The following SEMA5A variants were observed in gnomAD, a reference collection of about 807,000 sequenced individuals.
The protein encoded by SEMA5A is semaphorin-5A.
SEMA5A carries 55 observed loss-of-function variants against 135.5 expected under a neutral mutation model. The ratio of observed to expected loss-of-function variants is 0.41; its 90% CI spans 0.33 to 0.51. The LOEUF (loss-of-function observed/expected upper bound fraction) is 0.51. Among genes scored for constraint, SEMA5A ranks in the 20% least tolerant of loss-of-function variants. SEMA5A has a pLI of 0.37. For missense variants in SEMA5A, 1,290 were observed against 1,419.9 expected, an observed-to-expected ratio of 0.91 and a Z score of 1.47; for synonymous variants, 580 against 546.5, an observed-to-expected ratio of 1.06 and a Z score of -0.85.
At chr5:9,243,243 TG>T (rs1240505723) in intron 5 of SEMA5A, among the ~76,000 whole-genome samples, 2 of 152,168 alleles carry the variant, frequency 1.3e-5, no homozygotes, top group African/African-American at 4.8e-5. Context: ...TCCCAGCCCC[TG>T]GGGTCTGCCG....
In SEMA5A at chr5:9,181,725, T is replaced by C. The variant is rs751996089; in HGVS notation, c.1273+8542A>G. On this transcript the variant is annotated intron_variant, in intron 11 of 22. Transcript: ENST00000382496. ...CGGAAGGGATGCGACAGTGAGTATG[T>C]GGAGATGGAGAGGGGGGACTAGAAA... Among the ~76,000 whole-genome samples the C allele has an allele frequency of 2.6e-5, 4 of 152,250 alleles. No homozygotes were observed. The East Asian group carries it at 7.7e-4, about 29-fold the overall frequency.
At chr5:9,282,969 G>T (rs554559889) in intron 5 of SEMA5A, among the ~76,000 whole-genome samples, 1 of 152,158 alleles carries the variant, frequency 6.6e-6, no homozygotes, top group Admixed American at 6.5e-5. Context: ...CTCCATAGAA[G>T]AGCCTCCAAG....
At chr5:9,132,399 A>C (rs1741484156) in intron 13 of SEMA5A, among the ~76,000 whole-genome samples, 1 of 152,156 alleles carries the variant, frequency 6.6e-6, no homozygotes, top group African/African-American at 2.4e-5. Flanking sequence ...TCAGGAATGG[A>C]TTTGGTACCC....
chr5:9,171,469 A>G (rs994432908), intron 11 of SEMA5A, among the ~76,000 whole-genome samples: 2 of 152,194 alleles, frequency 1.3e-5, no homozygotes, highest in Non-Finnish European at 2.9e-5. Context: ...ATTGGGACTC[A>G]TGGTCGAGAC....
chr5:9,177,412 T>C (rs923925459), intron 11 of SEMA5A, among the ~76,000 whole-genome samples: 14 of 152,226 alleles, frequency 9.2e-5, no homozygotes, highest in African/African-American at 3.4e-4. Flanking sequence ...GTTGACTCTA[T>C]CCCAATATGC....
chr5:9,522,008 G>A (rs990977617), intron 1 of SEMA5A, among the ~76,000 whole-genome samples: 21 of 152,206 alleles, frequency 1.4e-4, no homozygotes, highest in East Asian at 1.2e-3. Context: ...GTCCAAGACC[G>A]TCCTGGGTTC....
intron 1 of SEMA5A, among the ~76,000 whole-genome samples, chr5:9,516,155 G>A (rs533044057): frequency 6.6e-6 from 1 of 152,224 alleles, no homozygotes; most frequent in South Asian, 2.1e-4. Context: ...TGCCTTTACA[G>A]AGGTGTGCAG....
chr5:9,135,312 C>G (rs1323453748), intron 13 of SEMA5A, among the ~76,000 whole-genome samples: 1 of 151,518 alleles, frequency 6.6e-6, no homozygotes, highest in South Asian at 2.1e-4. Flanking sequence ...TCCCAAGTAG[C>G]TGGGACTACA....
chr5:9,475,798 T>A (rs1259546887), intron 1 of SEMA5A, among the ~76,000 whole-genome samples: 2 of 152,226 alleles, frequency 1.3e-5, no homozygotes, highest in Non-Finnish European at 2.9e-5. Flanking sequence ...AATTAATAAG[T>A]GCTCCATTAA....
At chr5:9,384,571 CATAGATAG>C (rs1170217920) in intron 2 of SEMA5A, among the ~76,000 whole-genome samples, 12,584 of 80,286 alleles carry the variant, frequency 0.16, 1,217 homozygotes, top group Non-Finnish European at 0.18. Context: ...TAGATAGATA[CATAGATAG>C]ATAGATAGAT....
intron 13 of SEMA5A, 87 bp from the exon 14 acceptor site, chr5:9,122,924 A>G: frequency 1.7e-6 from 2 of 1,185,540 alleles, no homozygotes; most frequent in Non-Finnish European, 2.3e-6. Flanking sequence ...TCATAAGACA[A>G]TCAAAACTCC....
rs550511384 is a variant in SEMA5A at position 9,297,890 on chromosome 5, T to C, written c.270+20482A>G. ...TGAACCACCATGCCTGGCCAATTTC[T>C]GTTGTTTACAAGTTACCCAGCCTAG... On this transcript the variant is annotated intron_variant, in intron 5 of 22. Transcript: ENST00000382496. 3.9e-5 allele frequency among the ~76,000 whole-genome samples: 6 copies of C among 152,290 alleles called. No individual in the cohort carries two copies. In the South Asian group the frequency reaches 1.2e-3, roughly 32 times the overall value.
intron 1 of SEMA5A, among the ~76,000 whole-genome samples, chr5:9,456,747 A>G (rs544396327): frequency 3.3e-5 from 5 of 152,254 alleles, no homozygotes; most frequent in East Asian, 1.9e-4. Context: ...GGGGGGAAAA[A>G]CAGCACTGAG....
At chr5:9,075,675 G>A (rs895417138) in intron 16 of SEMA5A, among the ~76,000 whole-genome samples, 3 of 152,058 alleles carry the variant, frequency 2.0e-5, no homozygotes, top group Non-Finnish European at 4.4e-5. Context: ...GTACTGGGAC[G>A]GGTATCAGGG....
chr5:9,350,182 C>A (rs987985783), intron 3 of SEMA5A, among the ~76,000 whole-genome samples: 1 of 152,140 alleles, frequency 6.6e-6, no homozygotes, highest in Non-Finnish European at 1.5e-5. Context: ...TAGAGGTCAG[C>A]GCAACCTAAT....
chr5:9,082,149 A>T (rs1029716086), intron 16 of SEMA5A, among the ~76,000 whole-genome samples: 5 of 152,234 alleles, frequency 3.3e-5, no homozygotes, highest in African/African-American at 4.8e-5. Context: ...GTTGTATGAC[A>T]GATTCTACAA....
intron 1 of SEMA5A, among the ~76,000 whole-genome samples, chr5:9,464,675 C>T (rs1311201457): frequency 1.3e-5 from 2 of 150,804 alleles, no homozygotes; most frequent in South Asian, 2.1e-4. Context: ...TGCCATCTGC[C>T]GGCAGCAGCC....
At chr5:9,052,168 A>G (rs960577985) in intron 19 of SEMA5A, 140 bp from the exon 20 acceptor site, 2 of 920,406 alleles carry the variant, frequency 2.2e-6, no homozygotes, top group South Asian at 1.9e-5. Context: ...CATCAGTAAG[A>G]TGTAGTTGTA....
intron 1 of SEMA5A, among the ~76,000 whole-genome samples, chr5:9,492,762 T>A (rs1050542477): frequency 6.6e-5 from 10 of 152,072 alleles, no homozygotes; most frequent in Non-Finnish European, 1.3e-4. Flanking sequence ...AAGAAGCCAA[T>A]CTAAAAAGGC....
Sources: gnomAD v4.1 joint callset for allele counts (sites outside exome capture counted in the v4.1 genomes callset) on GRCh38, gnomAD v4.1.1 for gene constraint, MANE v1.5 for transcripts, NCBI Gene and HGNC (gene_info 2026-07-23, HGNC 2026-07-21) for gene names.